The following STAU1 variants were observed in gnomAD, a reference collection of about 807,000 sequenced individuals.
STAU1 encodes double-stranded RNA-binding protein Staufen homolog 1.
In STAU1, 13 loss-of-function variants were observed where a neutral mutation model predicts 62.9. The observed-to-expected ratio is 0.21, with a 90% CI of 0.13 to 0.33. The LOEUF is 0.33. STAU1 is among the 10% of genes least tolerant of loss of function. The pLI is 1.00. For synonymous variants in STAU1, 269 were observed against 265.1 expected, an observed-to-expected ratio of 1.01 and a Z score of -0.14; for missense variants, 571 against 712.1, an observed-to-expected ratio of 0.80 and a Z score of 2.25.
Position 49,113,405 on chromosome 20 carries a change from C to G in STAU1, c.*1473G>C. 1 of 150,276 alleles carries G rather than the reference C, an allele frequency of 6.7e-6. No individual in the cohort carries two copies. Among genetic ancestry groups the G allele is most frequent in the East Asian group, 1.9e-4 (1 of 5,142 alleles). 9.3% of individuals were successfully genotyped at this position (150,276 alleles called of 1,614,324 possible). ...TTATTTCAGATCTTCAGACTTTTGC[C>G]CAGATGGAATCACAAGCATTACAAA... On this transcript the variant is annotated 3_prime_UTR_variant, in exon 14 of 14. Transcript: ENST00000371856.
At chr20:49,189,803 AAT>A (rs1182120521), upstream of STAU1, among the ~76,000 whole-genome samples, 3 of 151,930 alleles carry the variant, frequency 2.0e-5, no homozygotes, top group Admixed American at 2.0e-4. Context: ...CTCTTTCTTA[AAT>A]GTCTCTCAAT....
intron 1 of STAU1, among the ~76,000 whole-genome samples, chr20:49,187,335 T>C (rs1043351482): frequency 2.6e-5 from 4 of 152,078 alleles, no homozygotes; most frequent in African/African-American, 9.7e-5. Context: ...AACTACAGTG[T>C]CCCAATTAAG....
chr20:49,196,277 A>T, the STAU1 span, among the ~76,000 whole-genome samples: 1 of 151,068 alleles, frequency 6.6e-6, no homozygotes. Flanking sequence ...TCTACTAAAA[A>T]TACAAAAAAT....
rs200099026 is a variant in STAU1, at chr20:49,172,343, CCTT to C, written c.-85+1849_-85+1851del. ...AAAACTTTATCAAGCTTCCGTCTCT[CCTT>C]CTCTAGGAGACATTCTCAAAAATAA... On this transcript the variant is annotated intron_variant, in intron 2 of 13. Transcript: ENST00000371856. 5.3e-5 allele frequency among the ~76,000 whole-genome samples: 8 copies of C among 152,328 alleles called. No individual in the cohort carries two copies. In the East Asian group the frequency reaches 1.3e-3, roughly 26 times the overall value.
intron 2 of STAU1, among the ~76,000 whole-genome samples, chr20:49,173,545 C>T (rs2093623985): frequency 6.6e-6 from 1 of 152,220 alleles, no homozygotes; most frequent in Non-Finnish European, 1.5e-5. Flanking sequence ...TTTCCTTATG[C>T]TTCCATTTCC....
chr20:49,115,824 T>G lies in STAU1; in HGVS notation c.1676A>C (p.Gln559Pro). 1 of 1,614,146 alleles carries G rather than the reference T, an allele frequency of 6.2e-7. No homozygotes were observed. The highest frequency in any genetic ancestry group is 1.1e-5 in the South Asian group (1 of 91,084). ...TCCTGTTCTTGGCATCTCTGTACTTTGTTGGTCCAACTCAGACAGCAACTT... is the reference window on the plus strand; with the variant it reads ...TCCTGTTCTTGGCATCTCTGTACTTGGTTGGTCCAACTCAGACAGCAACTT... ...ILKLLSELDQ[Q>P]STEMPRTGNG... The change falls in exon 13 of 14, where the codon CAA (glutamine) becomes CCA (proline). Residue 559 changes from glutamine (Q) to proline (P), a missense_variant. Transcript: ENST00000371856.
At chr20:49,152,888 T>C (rs1230149387) in intron 4 of STAU1, among the ~76,000 whole-genome samples, 1 of 152,140 alleles carries the variant, frequency 6.6e-6, no homozygotes, top group East Asian at 1.9e-4. Flanking sequence ...TTAGCCAGGC[T>C]GCTTGAGGGC....
intron 5 of STAU1, among the ~76,000 whole-genome samples, chr20:49,145,269 C>A (rs2093102191): frequency 6.7e-6 from 1 of 150,360 alleles, no homozygotes; most frequent in Non-Finnish European, 1.5e-5. Flanking sequence ...ACTAAAAATA[C>A]AAAAATTAGC....
intron 6 of STAU1, among the ~76,000 whole-genome samples, chr20:49,133,740 C>G (rs1323894452): frequency 2.0e-5 from 3 of 152,144 alleles, no homozygotes; most frequent in African/African-American, 7.2e-5. Flanking sequence ...CTGCTCTTAC[C>G]CACTGAGGGT....
At chr20:49,147,999 C>T (rs1217481009) in intron 5 of STAU1, among the ~76,000 whole-genome samples, 1 of 152,044 alleles carries the variant, frequency 6.6e-6, no homozygotes, top group African/African-American at 2.4e-5. Flanking sequence ...TTCATTGTTC[C>T]TTGTTTTTGA....
At chr20:49,122,982 G>T in intron 8 of STAU1, 110 bp downstream of exon 8, 2 of 1,153,198 alleles carry the variant, frequency 1.7e-6, no homozygotes, top group Non-Finnish European at 2.3e-6. Flanking sequence ...GCAGAACATG[G>T]CCCACAGGAT....
At chr20:49,138,142 G>A (rs759695586) in intron 5 of STAU1, among the ~76,000 whole-genome samples, 6 of 152,070 alleles carry the variant, frequency 3.9e-5, no homozygotes, top group Non-Finnish European at 8.8e-5. Flanking sequence ...ATATTAGCAG[G>A]TGCGGTGTCG....
At position 49,115,883 on chromosome 20, in the gene STAU1, A is replaced by G; in HGVS notation, c.1633-16T>C. ...TCAGCGCAGCCTAGTGGGGATGGAA[A>G]GAAGGGTAAAGCCACAGCCACCGCT... is the stretch of plus-strand genomic sequence containing the variant. On this transcript the variant is annotated splice_polypyrimidine_tract_variant and intron_variant, in intron 12 of 13. Coordinates refer to ENST00000371856, the MANE Select transcript of STAU1 (RefSeq NM_017453.4). 2 of 1,612,888 alleles carry G rather than the reference A, an allele frequency of 1.2e-6. No homozygotes were observed. The highest frequency in any genetic ancestry group is 1.7e-6 in the Non-Finnish European group (2 of 1,178,922).
intron 9 of STAU1, among the ~76,000 whole-genome samples, chr20:49,119,236 G>A (rs1357580259): frequency 6.6e-6 from 1 of 152,154 alleles, no homozygotes; most frequent in African/African-American, 2.4e-5. Context: ...CCCAGGCTGA[G>A]TGCAGTGGCA....
intron 8 of STAU1, among the ~76,000 whole-genome samples, chr20:49,121,341 G>C (rs2092460939): frequency 6.6e-6 from 1 of 152,080 alleles, no homozygotes; most frequent in South Asian, 2.1e-4. Context: ...CTGGGAGGCA[G>C]AGGTTGCAGT....
intron 3 of STAU1, among the ~76,000 whole-genome samples, chr20:49,163,419 C>CTTTTTTTTTTTTTTT: frequency 1.2e-5 from 1 of 82,438 alleles, no homozygotes; most frequent in Non-Finnish European, 2.2e-5. Context: ...GTGTTTAAAC[C>CTTTTTTTTTTTTTTT]TTTTTTTTTT....
At chr20:49,130,040 T>C (rs546711078) in intron 6 of STAU1, among the ~76,000 whole-genome samples, 3 of 152,282 alleles carry the variant, frequency 2.0e-5, no homozygotes, top group East Asian at 1.9e-4. Context: ...TTACAGTAGA[T>C]TTATTAATAA....
chr20:49,216,305 C>T, the STAU1 span, among the ~76,000 whole-genome samples: 1 of 152,090 alleles, frequency 6.6e-6, no homozygotes, highest in East Asian at 1.9e-4. Flanking sequence ...GCAGGCAGAT[C>T]CCTTGAGGTC....
the STAU1 span, among the ~76,000 whole-genome samples, chr20:49,219,005 C>A: frequency 7.4e-6 from 1 of 134,798 alleles, no homozygotes; most frequent in African/African-American, 2.8e-5. Context: ...CAGAGCCAAA[C>A]CCTGCCTCAA....
Sources: gnomAD v4.1 joint callset for allele counts (sites outside exome capture counted in the v4.1 genomes callset) on GRCh38, gnomAD v4.1.1 for gene constraint, MANE v1.5 for transcripts, NCBI Gene and HGNC (gene_info 2026-07-23, HGNC 2026-07-21) for gene names.